CLASP1: variants seen among roughly 807,000 people sequenced by gnomAD.
The protein encoded by CLASP1 is CLIP-associating protein 1.
Under a neutral mutation model 192.3 loss-of-function variants are expected in CLASP1, and 38 were observed. That is an observed-to-expected ratio of 0.20 (90% confidence interval 0.15 to 0.26). The LOEUF is 0.26. CLASP1 is among the 10% of genes least tolerant of loss of function. The pLI, the probability that CLASP1 is intolerant of heterozygous loss-of-function variation, is 1.00. For missense variants in CLASP1, 1,433 were observed against 1,932.5 expected (o/e 0.74, Z 4.85); for synonymous variants, 691 against 712.8 (o/e 0.97, Z 0.49).
At chr2:121,503,103 A>G (rs2093814101) in intron 8 of CLASP1, 64 bp downstream of exon 8, 3 of 1,022,774 alleles carry the variant, frequency 2.9e-6, no homozygotes, top group Non-Finnish European at 4.4e-6. Context: ...CTCTTCACAT[A>G]TAACATAAAT....
intron 29 of CLASP1, 93 bp downstream of exon 30, chr2:121,398,229 C>G: frequency 2.2e-6 from 2 of 908,316 alleles, no homozygotes; most frequent in South Asian, 1.6e-5. Context: ...CAGATTTATT[C>G]ACAATAGCTA....
At chr2:121,396,991 G>A in intron 30 of CLASP1, 149 bp downstream of exon 31, 2 of 670,088 alleles carry the variant, frequency 3.0e-6, no homozygotes, top group East Asian at 2.7e-5. Flanking sequence ...TTCAAAACTG[G>A]GCAGAGCTGG....
chr2:121,486,892 A>G (rs1460231673), intron 8 of CLASP1, among the ~76,000 whole-genome samples: 1 of 152,230 alleles, frequency 6.6e-6, no homozygotes, highest in Non-Finnish European at 1.5e-5. Context: ...ATAAATAGCC[A>G]TGTTCCAATA....
At chr2:121,615,207 C>T (rs759644860) in intron 1 of CLASP1, among the ~76,000 whole-genome samples, 19 of 152,026 alleles carry the variant, frequency 1.2e-4, no homozygotes, top group Middle Eastern at 6.8e-3. Flanking sequence ...GGGCATAGGG[C>T]GCACGCCTGT....
chr2:121,597,006 A>C (rs1288769442), intron 2 of CLASP1, among the ~76,000 whole-genome samples: 2 of 152,174 alleles, frequency 1.3e-5, no homozygotes, highest in African/African-American at 4.8e-5. Context: ...ACGGAGATGA[A>C]GCCCACACAG....
chr2:121,591,648 A>G (rs1187352341), intron 2 of CLASP1, among the ~76,000 whole-genome samples: 1 of 152,204 alleles, frequency 6.6e-6, no homozygotes, highest in East Asian at 1.9e-4. Flanking sequence ...GGCCACTTGT[A>G]TCTCAGAATT....
intron 8 of CLASP1, among the ~76,000 whole-genome samples, chr2:121,478,794 CA>C (rs1478784248): frequency 1.1e-3 from 57 of 50,220 alleles, no homozygotes; most frequent in Non-Finnish European, 2.2e-3. Flanking sequence ...CCACACACAC[CA>C]CACACCACAC....
intron 9 of CLASP1, among the ~76,000 whole-genome samples, chr2:121,463,308 C>T (rs1048107229): frequency 3.3e-5 from 5 of 152,150 alleles, no homozygotes; most frequent in African/African-American, 1.2e-4. Context: ...TAATGATTTA[C>T]ATGGATTAGT....
At chr2:121,588,671 C>T (rs2062009587) in intron 2 of CLASP1, among the ~76,000 whole-genome samples, 1 of 152,180 alleles carries the variant, frequency 6.6e-6, no homozygotes, top group Admixed American at 6.5e-5. Context: ...TCTAAATCCA[C>T]ACAAATAGTA....
intron 7 of CLASP1, among the ~76,000 whole-genome samples, chr2:121,510,781 GAGAGA>G (rs1465412911): frequency 4.6e-5 from 7 of 151,918 alleles, no homozygotes; most frequent in African/African-American, 1.7e-4. Flanking sequence ...CTGGGCAACA[GAGAGA>G]GATCCTGCCT....
intron 34 of CLASP1, among the ~76,000 whole-genome samples, chr2:121,370,282 G>C (rs1409503258): frequency 6.6e-6 from 1 of 152,136 alleles, no homozygotes; most frequent in African/African-American, 2.4e-5. Flanking sequence ...TATGGTAAGT[G>C]GTGGCTAAGA....
intron 1 of CLASP1, among the ~76,000 whole-genome samples, chr2:121,647,711 C>T (rs909560220): frequency 2.6e-5 from 4 of 152,202 alleles, no homozygotes; most frequent in African/African-American, 9.6e-5. Flanking sequence ...CGTTCTAACA[C>T]AAATTTATGG....
chr2:121,447,543 A>G (rs2084592565), intron 18 of CLASP1, 36 bp from the exon 19 acceptor site: 2 of 1,484,910 alleles, frequency 1.3e-6, no homozygotes, highest in Non-Finnish European at 9.1e-7. Context: ...AATAAGGACT[A>G]CATAGAATTT....
intron 22 of CLASP1, among the ~76,000 whole-genome samples, chr2:121,421,660 A>G (rs538065610): frequency 6.6e-5 from 10 of 152,234 alleles, no homozygotes; most frequent in African/African-American, 1.9e-4. Flanking sequence ...CTCCTTCCTC[A>G]GCCTCCTAAG....
At chr2:121,579,846 T>C (rs1171361888) in intron 2 of CLASP1, among the ~76,000 whole-genome samples, 1 of 151,986 alleles carries the variant, frequency 6.6e-6, no homozygotes, top group Non-Finnish European at 1.5e-5. Context: ...AAAAAGAAAA[T>C]CTGCAGCAAT....
At chr2:121,443,688 T>C (rs1249996696) in intron 19 of CLASP1, among the ~76,000 whole-genome samples, 1 of 152,200 alleles carries the variant, frequency 6.6e-6, no homozygotes, top group Non-Finnish European at 1.5e-5. Flanking sequence ...CAGTGAGGCT[T>C]ATTAGAAATT....
At chr2:121,645,632 G>A (rs2073043799) in intron 1 of CLASP1, among the ~76,000 whole-genome samples, 1 of 152,198 alleles carries the variant, frequency 6.6e-6, no homozygotes, top group Non-Finnish European at 1.5e-5. Context: ...CTAGAGAAGA[G>A]TAAATGCACA....
intron 8 of CLASP1, among the ~76,000 whole-genome samples, chr2:121,500,441 GGGAAGGAA>G: frequency 1.3e-5 from 2 of 149,038 alleles, no homozygotes; most frequent in Non-Finnish European, 3.0e-5. Context: ...AAAGAAAAGA[GGGAAGGAA>G]GGAGGGAAGG....
intron 20 of CLASP1, among the ~76,000 whole-genome samples, chr2:121,429,304 C>T (rs541888240): frequency 7.9e-5 from 12 of 152,240 alleles, no homozygotes; most frequent in African/African-American, 1.9e-4. Context: ...GCTGTGGGAC[C>T]GCATGCAGCT....
Sources: allele counts gnomAD v4.1 joint callset (sites outside exome capture counted in the v4.1 genomes callset), GRCh38; gene constraint gnomAD v4.1.1; transcripts MANE v1.5; gene names NCBI Gene and HGNC (gene_info 2026-07-23, HGNC 2026-07-21).